CGNL1: variants seen among roughly 807,000 people sequenced by gnomAD.
CGNL1 encodes the protein cingulin like 1, also known as cingulin-like protein 1.
CGNL1 carries 132 observed loss-of-function variants against 141.2 expected under a neutral mutation model. The observed-to-expected ratio is 0.93, with a 90% CI of 0.81 to 1.08. CGNL1 has a LOEUF of 1.08. CGNL1 is among the 50% of genes least tolerant of loss of function. The pLI is 0.00. For synonymous variants in CGNL1, 690 were observed against 622.1 expected, an observed-to-expected ratio of 1.11 and a Z score of -1.63; for missense variants, 1,870 against 1,588.6, an observed-to-expected ratio of 1.18 and a Z score of -3.01.
At chr15:57,446,555 C>G (rs183897579) in intron 4 of CGNL1, among the ~76,000 whole-genome samples, 20 of 151,848 alleles carry the variant, frequency 1.3e-4, no homozygotes, top group Admixed American at 1.1e-3. Flanking sequence ...ATACTGGTAG[C>G]TATTTTGTAT....
At chr15:57,508,393 T>C (rs1442944863) in intron 8 of CGNL1, among the ~76,000 whole-genome samples, 1 of 152,154 alleles carries the variant, frequency 6.6e-6, no homozygotes, top group African/African-American at 2.4e-5. Flanking sequence ...GCCCAAGAAA[T>C]GGTAAGTAGG....
At position 57,548,641 on chromosome 15, in the gene CGNL1, AG is replaced by A. The variant is rs2032985562; in HGVS notation, c.*1153del. 6.6e-6 allele frequency: 1 copy of A among 152,196 alleles called. No individual in the cohort carries two copies. 9.4% of individuals were successfully genotyped at this position (152,196 alleles called of 1,614,324 possible). A position where few individuals can be genotyped will look rare whatever the true frequency, so the allele number is the denominator to read the frequency against. On this transcript the variant is annotated 3_prime_UTR_variant, in exon 19 of 19. Coordinates refer to ENST00000281282, the MANE Select transcript of CGNL1 (RefSeq NM_032866.5). The stretch of plus-strand genomic sequence containing the variant: ...TCACTGATTGCAATTTCTTTTACAC[AG>A]GTTGGGTAGGGAGAGTTGTAGGTAA...
chr15:57,379,271 A>C (rs2062400606), intron 1 of CGNL1, among the ~76,000 whole-genome samples: 1 of 152,212 alleles, frequency 6.6e-6, no homozygotes, highest in South Asian at 2.1e-4. Flanking sequence ...GTTTATGTAA[A>C]TGTGGGCCTA....
intron 8 of CGNL1, among the ~76,000 whole-genome samples, chr15:57,514,978 G>C (rs1264194983): frequency 6.6e-6 from 1 of 152,122 alleles, no homozygotes; most frequent in Non-Finnish European, 1.5e-5. Flanking sequence ...CCTCATGCCA[G>C]TACTGCCCTG....
At chr15:57,407,181 C>G (rs928058771) in intron 1 of CGNL1, 1 of 152,168 alleles carries the variant, frequency 6.6e-6, no homozygotes, top group Non-Finnish European at 1.5e-5. Flanking sequence ...TAAGTTTCAG[C>G]GTTTACAAGA....
At chr15:57,488,091 A>G (rs1335226019) in intron 8 of CGNL1, among the ~76,000 whole-genome samples, 1 of 152,142 alleles carries the variant, frequency 6.6e-6, no homozygotes, top group Non-Finnish European at 1.5e-5. Flanking sequence ...TATGATAGCC[A>G]TCTTCGTGGG....
intron 1 of CGNL1, chr15:57,377,027 C>T (rs1411436467): frequency 1.3e-5 from 2 of 151,952 alleles, no homozygotes; most frequent in Non-Finnish European, 2.9e-5. Flanking sequence ...GGGCGTGTGA[C>T]CTTTCTCTCC....
At chr15:57,531,646 G>A (rs371207594) in intron 13 of CGNL1, 44 bp from the exon 14 acceptor site, 1 of 1,280,372 alleles carries the variant, frequency 7.8e-7, no homozygotes, top group African/African-American at 1.5e-5. Flanking sequence ...GTTAATCCCG[G>A]TCAGTGCAAG....
intron 14 of CGNL1, among the ~76,000 whole-genome samples, chr15:57,535,339 T>C (rs1451560429): frequency 6.6e-6 from 1 of 152,110 alleles, no homozygotes; most frequent in Non-Finnish European, 1.5e-5. Context: ...ACCTAAAAAA[T>C]TGATAACTAA....
At position 57,516,891 on chromosome 15, in the gene CGNL1, G is replaced by A. The variant is rs1238921437; in HGVS notation, c.2515G>A (p.Glu839Lys). ...GAATGAGAAGCTGCAGGGAAGAAGC[G>A]AAGAGCTGGAGCGGAGAGTTGCTCA... ...EENEKLQGRS[E>K]ELERRVAQLQ... Residue 839 changes from glutamate to lysine, a missense_variant, in exon 9 of 19, where the codon GAA becomes AAA. Coordinates refer to ENST00000281282, the MANE Select transcript of CGNL1 (RefSeq NM_032866.5). The A allele has an allele frequency of 5.0e-6, 8 of 1,613,474 alleles. No individual in the cohort carries two copies. Among genetic ancestry groups the A allele is most frequent in the Admixed American group, 1.7e-5 (1 of 60,020 alleles).
At chr15:57,404,062 G>T (rs1422175167) in intron 1 of CGNL1, among the ~76,000 whole-genome samples, 3 of 152,238 alleles carry the variant, frequency 2.0e-5, no homozygotes, top group African/African-American at 7.2e-5. Context: ...GCAATTCAAG[G>T]TGTTGATTTT....
rs1023125975 is a variant in CGNL1, at chr15:57,383,384, C to T, written c.-16+6817C>T. Among the ~76,000 whole-genome samples the T allele has an allele frequency of 3.3e-5, 5 of 149,688 alleles. No individual in the cohort carries two copies. In the South Asian group the frequency reaches 6.4e-4, roughly 19 times the overall value. On this transcript the variant is annotated intron_variant, in intron 1 of 18. Coordinates refer to ENST00000281282, the MANE Select transcript of CGNL1 (RefSeq NM_032866.5). ...CACAATCTCAGCTCACCACAACCTC[C>T]GCCTCCTGCATTCAAGCCATTCTCC...
chr15:57,420,573 A>C (rs1425256860), intron 1 of CGNL1, among the ~76,000 whole-genome samples: 1 of 152,200 alleles, frequency 6.6e-6, no homozygotes, highest in African/African-American at 2.4e-5. Flanking sequence ...CGGAATCGTT[A>C]ATGCATTCCT....
At chr15:57,458,748 C>A (rs1297070865) in intron 7 of CGNL1, among the ~76,000 whole-genome samples, 1 of 152,118 alleles carries the variant, frequency 6.6e-6, no homozygotes, top group African/African-American at 2.4e-5. Flanking sequence ...TAAGAAGGGG[C>A]TGGGCAGCGG....
intron 8 of CGNL1, among the ~76,000 whole-genome samples, chr15:57,509,186 T>C (rs570127993): frequency 6.6e-6 from 1 of 152,232 alleles, no homozygotes; most frequent in East Asian, 1.9e-4. Context: ...TGAGCTGACC[T>C]AGGGGATGCT....
chr15:57,463,546 G>C (rs2063472298), intron 8 of CGNL1, among the ~76,000 whole-genome samples: 1 of 152,214 alleles, frequency 6.6e-6, no homozygotes, highest in Non-Finnish European at 1.5e-5. Context: ...AACACAAAGG[G>C]GTTCGCCTTA....
At chr15:57,499,584 G>A (rs1165590234) in intron 8 of CGNL1, among the ~76,000 whole-genome samples, 1 of 152,090 alleles carries the variant, frequency 6.6e-6, no homozygotes, top group East Asian at 1.9e-4. Flanking sequence ...TTTAATATGT[G>A]GGTTAATGTA....
At chr15:57,430,628 A>AG (rs2063033425) in intron 1 of CGNL1, among the ~76,000 whole-genome samples, 1 of 150,208 alleles carries the variant, frequency 6.7e-6, no homozygotes, top group Non-Finnish European at 1.5e-5. Context: ...GTAGACTTCC[A>AG]GGGGGAAGTG....
rs1239864782 is a variant in CGNL1 at position 57,461,719 on chromosome 15, A to G, written c.2230A>G (p.Ile744Val). 1 of 1,614,108 alleles carries G rather than the reference A, an allele frequency of 6.2e-7. No homozygotes were observed. The highest frequency in any genetic ancestry group is 1.7e-5 in the Admixed American group (1 of 60,018). The stretch of plus-strand genomic sequence containing the variant: ...AAAACAGGATCTTCAAGATCTGCTG[A>G]TTGCCAAAGAGGAGCAAGAAGACCT... ...QAKQDLQDLL[I>V]AKEEQEDLLR... The change falls in exon 8 of 19, where the codon ATT becomes GTT. Residue 744 changes from isoleucine (I) to valine (V), a missense_variant. By Grantham distance (29) the Ile-to-Val change is conservative. Transcript: ENST00000281282.
Sources: gnomAD v4.1 joint callset for allele counts (sites outside exome capture counted in the v4.1 genomes callset) on GRCh38, gnomAD v4.1.1 for gene constraint, MANE v1.5 for transcripts, NCBI Gene and HGNC (gene_info 2026-07-23, HGNC 2026-07-21) for gene names.